Variants in EIPR1 observed in about 807,000 individuals in gnomAD.
The protein encoded by EIPR1 is EARP complex and GARP complex interacting protein 1, also known as EARP and GARP complex-interacting protein 1.
Under a neutral mutation model 48.1 loss-of-function variants are expected in EIPR1, and 25 were observed. That is an observed-to-expected ratio of 0.52 (90% CI 0.38 to 0.73). The LOEUF is 0.73. Ranked by LOEUF, EIPR1 falls within the 30% of genes least tolerant of loss-of-function variation. The pLI, the probability that EIPR1 is intolerant of heterozygous loss-of-function variation, is 0.00. For missense variants in EIPR1, 415 were observed against 506.2 expected (o/e 0.82, Z 1.73); for synonymous variants, 204 against 201.9 (o/e 1.01, Z -0.09).
intron 2 of EIPR1, 142 bp from the exon 3 acceptor site, chr2:3,338,291 T>G: frequency 1.0e-6 from 1 of 962,884 alleles, no homozygotes; most frequent in Non-Finnish European, 1.5e-6. Flanking sequence ...GCCAACAGTA[T>G]GTGCTTCTAT....
At chr2:3,321,696 T>A (rs1405054052) in intron 3 of EIPR1, among the ~76,000 whole-genome samples, 1 of 152,240 alleles carries the variant, frequency 6.6e-6, no homozygotes, top group Non-Finnish European at 1.5e-5. Flanking sequence ...ACTTTCTTGT[T>A]AATCTGTAGA....
At chr2:3,241,742 T>C (rs1178326425) in intron 4 of EIPR1, among the ~76,000 whole-genome samples, 2 of 152,184 alleles carry the variant, frequency 1.3e-5, no homozygotes, top group African/African-American at 4.8e-5. Context: ...GCTGTGTCAA[T>C]AAGCCCAGAT....
At position 3,194,161 on chromosome 2, in the gene EIPR1, A is replaced by G. The variant is rs1664712382; in HGVS notation, c.659T>C (p.Ile220Thr). ...RGWDTRSMSQIYCIENAHGQL... is the reference protein window; with the variant it reads ...RGWDTRSMSQTYCIENAHGQL... ...TCCGTGGGCATTCTCTATGCAGTAG[A>G]TCTGGCTGAGGGAGAAGGAAGAACA... The change falls in exon 7 of 9, where the codon ATC becomes ACC. Residue 220 changes from isoleucine (I) to threonine (T), a missense_variant. Ile to Thr is a moderately conservative substitution (Grantham distance 89). Coordinates refer to ENST00000382125, the MANE Select transcript of EIPR1 (RefSeq NM_003310.5). 6.2e-7 allele frequency: 1 copy of G among 1,613,632 alleles called. No individual in the cohort carries two copies. Among genetic ancestry groups the G allele is most frequent in the Non-Finnish European group, 8.5e-7 (1 of 1,179,846 alleles).
chr2:3,341,095 C>CAAAAA (rs55667121), intron 2 of EIPR1, among the ~76,000 whole-genome samples: 504 of 21,512 alleles, frequency 0.023, no homozygotes, highest in Non-Finnish European at 0.03. Flanking sequence ...GATCCTGTCT[C>CAAAAA]AAAAAAAAAA....
At chr2:3,274,333 A>G in intron 3 of EIPR1, 1 of 1,550,514 alleles carries the variant, frequency 6.4e-7, no homozygotes, top group Non-Finnish European at 8.7e-7. Flanking sequence ...AAAGACAGAA[A>G]CTTACAGGTT....
At chr2:3,361,867 G>A (rs572995325) in intron 1 of EIPR1, among the ~76,000 whole-genome samples, 7 of 151,070 alleles carry the variant, frequency 4.6e-5, no homozygotes, top group Non-Finnish European at 7.4e-5. Context: ...TCCCTCACAC[G>A]GGCACCTCCA....
At chr2:3,205,821 C>T (rs541891663) in intron 5 of EIPR1, among the ~76,000 whole-genome samples, 24 of 152,266 alleles carry the variant, frequency 1.6e-4, no homozygotes, top group African/African-American at 5.1e-4. Flanking sequence ...AACTCACGCA[C>T]GTGACAATAT....
intron 4 of EIPR1, among the ~76,000 whole-genome samples, chr2:3,231,071 T>A (rs1353892161): frequency 3.3e-5 from 5 of 152,232 alleles, no homozygotes; most frequent in African/African-American, 1.2e-4. Context: ...ACTGCCTTGG[T>A]AAAAGTTACT....
At chr2:3,230,256 C>T (rs1042323311) in intron 4 of EIPR1, among the ~76,000 whole-genome samples, 60 of 152,060 alleles carry the variant, frequency 3.9e-4, no homozygotes, top group African/African-American at 1.3e-3. Flanking sequence ...TGGTGAGTAA[C>T]GCACACACGT....
chr2:3,374,427 A>T (rs62120464), intron 1 of EIPR1, among the ~76,000 whole-genome samples: 23,113 of 149,796 alleles, frequency 0.15, 2,008 homozygotes, highest in Non-Finnish European at 0.2. Flanking sequence ...GAAACTACCA[A>T]CAGAGTGAAC....
intron 3 of EIPR1, among the ~76,000 whole-genome samples, chr2:3,296,037 ACT>A (rs1238230465): frequency 2.5e-5 from 1 of 40,390 alleles, no homozygotes. Flanking sequence ...CATCCTCTCT[ACT>A]CACACACACC....
chr2:3,269,522 A>G (rs62640412), intron 3 of EIPR1, among the ~76,000 whole-genome samples: 62 of 63,606 alleles, frequency 9.7e-4, no homozygotes, highest in East Asian at 1.6e-3. Flanking sequence ...ATCACACTCA[A>G]TCATCGCACT....
chr2:3,213,164 G>A (rs763721340), intron 5 of EIPR1, among the ~76,000 whole-genome samples: 42 of 152,318 alleles, frequency 2.8e-4, no homozygotes, highest in Non-Finnish European at 2.4e-4. Context: ...GGATGCTTGC[G>A]CAATCGCTTT....
At chr2:3,329,136 G>A (rs1232882233) in intron 3 of EIPR1, among the ~76,000 whole-genome samples, 1 of 147,634 alleles carries the variant, frequency 6.8e-6, no homozygotes, top group Non-Finnish European at 1.5e-5. Context: ...GCACCAGCCT[G>A]GGCTCCCCTG....
At position 3,192,550 on chromosome 2, in the gene EIPR1, C is replaced by T. The variant is rs1233366485; in HGVS notation, c.853G>A (p.Asp285Asn). 1 of 1,612,526 alleles carries T rather than the reference C, an allele frequency of 6.2e-7. No homozygotes were observed. Among genetic ancestry groups the T allele is most frequent in the Non-Finnish European group, 8.5e-7 (1 of 1,179,734 alleles). ...CTGCTGCCCGTGAGGACCAGCTGGTCATGAGAGTGGTTGTAGCGGACGTTC... is the reference window on the plus strand; with the variant it reads ...CTGCTGCCCGTGAGGACCAGCTGGTTATGAGAGTGGTTGTAGCGGACGTTC... ...VWNVRYNHSHDQLVLTGSSDS... is the reference protein window; with the variant it reads ...VWNVRYNHSHNQLVLTGSSDS... The change falls in exon 8 of 9, where the codon GAC becomes AAC. Residue 285 changes from aspartate to asparagine, a missense_variant. Physicochemically the swap from Asp to Asn is conservative, Grantham distance 23 (BLOSUM62 1). Transcript: ENST00000382125.
intron 2 of EIPR1, among the ~76,000 whole-genome samples, chr2:3,347,915 T>C (rs1021558649): frequency 2.0e-5 from 3 of 152,160 alleles, no homozygotes; most frequent in African/African-American, 7.2e-5. Flanking sequence ...TAGGTCCTTT[T>C]ACCATTAAAG....
chr2:3,309,882 G>A (rs536603464), intron 3 of EIPR1, among the ~76,000 whole-genome samples: 1 of 152,320 alleles, frequency 6.6e-6, no homozygotes, highest in Admixed American at 6.5e-5. Context: ...GGAAAGAGAC[G>A]GTGGTGTGGG....
At chr2:3,333,242 A>G (rs1449730356) in intron 3 of EIPR1, among the ~76,000 whole-genome samples, 4 of 152,322 alleles carry the variant, frequency 2.6e-5, no homozygotes, top group Non-Finnish European at 4.4e-5. Flanking sequence ...CAAGAATTCT[A>G]CCACACTGCA....
intron 3 of EIPR1, chr2:3,262,246 T>C (rs534357355): frequency 1.3e-5 from 2 of 152,398 alleles, no homozygotes; most frequent in African/African-American, 4.8e-5. Context: ...TCTATCATAA[T>C]ATAGTCCAAA....
Sources: gnomAD v4.1 joint callset for allele counts (sites outside exome capture counted in the v4.1 genomes callset) on GRCh38, gnomAD v4.1.1 for gene constraint, MANE v1.5 for transcripts, NCBI Gene and HGNC (gene_info 2026-07-23, HGNC 2026-07-21) for gene names.